HEATR5B: variants seen among roughly 807,000 people sequenced by gnomAD.
HEATR5B encodes HEAT repeat-containing protein 5B.
In HEATR5B, 156 loss-of-function variants were observed where a neutral mutation model predicts 224.1. The ratio of observed to expected loss-of-function variants is 0.70; its 90% CI spans 0.61 to 0.80. HEATR5B has a LOEUF of 0.80. Among genes scored for constraint, HEATR5B ranks in the 30% least tolerant of loss-of-function variants. HEATR5B has a pLI of 0.00. For synonymous variants in HEATR5B, 1,027 were observed against 893.0 expected (o/e 1.15, Z -2.68); for missense variants, 2,323 against 2,535.5 (o/e 0.92, Z 1.80).
chr2:37,046,339 A>G (rs1374850382), intron 18 of HEATR5B, among the ~76,000 whole-genome samples: 1 of 152,162 alleles, frequency 6.6e-6, no homozygotes, highest in Non-Finnish European at 1.5e-5. Context: ...TGGCAACCTC[A>G]TTAAAAGTCA....
Position 37,007,089 on chromosome 2 carries a change from A to C in HEATR5B, c.4738T>G (p.Leu1580Val). The C allele has an allele frequency of 6.2e-7, 1 of 1,614,158 alleles. No individual in the cohort carries two copies. Among genetic ancestry groups the C allele is most frequent in the Non-Finnish European group, 8.5e-7 (1 of 1,180,006 alleles). The change falls in exon 29 of 36, where the codon TTG becomes GTG. Residue 1580 changes from leucine to valine, a missense_variant. Transcript: ENST00000233099. ...ASGAVGSAKS[L>V]PEINKDRMHL... ...ATTCTGTCTTTGTTAATTTCTGGCA[A>C]AGATTTAGCACTACCCACTGCTCCT...
intron 28 of HEATR5B, among the ~76,000 whole-genome samples, chr2:37,007,662 C>G (rs982367830): frequency 9.9e-5 from 15 of 152,110 alleles, no homozygotes; most frequent in African/African-American, 3.6e-4. Context: ...CATGTTCGCT[C>G]ATTTATGAAC....
At chr2:37,057,545 CACA>C (rs1670990180) in intron 14 of HEATR5B, 65 bp from the exon 15 acceptor site, 2 of 1,071,222 alleles carry the variant, frequency 1.9e-6, no homozygotes, top group Non-Finnish European at 2.7e-6. Context: ...AATCATTGCC[CACA>C]AAGAGCTGCA....
intron 35 of HEATR5B, among the ~76,000 whole-genome samples, chr2:36,984,215 A>AATATATATATATATATATATATATAT (rs60636196): frequency 5.2e-5 from 4 of 77,524 alleles, no homozygotes; most frequent in South Asian, 5.9e-4. Context: ...AAAAAAAAAA[A>AATATATATATATATATATATATATAT]ATATATATAT....
In HEATR5B at chr2:37,008,875, TAGTA is replaced by T. The variant is rs758531879; in HGVS notation, c.4285-31_4285-28del. On this transcript the variant is annotated intron_variant, in intron 27 of 35. Coordinates refer to ENST00000233099, the MANE Select transcript of HEATR5B (RefSeq NM_019024.3). ...TAATATGATATTTATGAGGACAAAA[TAGTA>T]AGGCATAAGATAAAAAAATAAGATA... 1.0e-5 allele frequency: 13 copies of T among 1,283,104 alleles called. No homozygotes were observed. The Admixed American group carries it at 1.2e-4, about 11-fold the overall frequency. The allele number at this position is 1,283,104 out of a possible 1,614,324, so 79.5% of individuals were successfully genotyped here.
chr2:37,033,647 T>A (rs887746064), intron 21 of HEATR5B, among the ~76,000 whole-genome samples: 6 of 152,090 alleles, frequency 3.9e-5, no homozygotes, highest in African/African-American at 1.4e-4. Flanking sequence ...AACATAAAAG[T>A]ATAAGATGCA....
chr2:37,015,964 T>G (rs550227774), intron 26 of HEATR5B, among the ~76,000 whole-genome samples: 1 of 151,278 alleles, frequency 6.6e-6, no homozygotes, highest in Non-Finnish European at 1.5e-5. Flanking sequence ...AGAATAAGAA[T>G]AAAGAAAGAA....
Position 37,007,192 on chromosome 2 carries a change from C to T in HEATR5B, c.4635G>A (p.Thr1545=), listed in dbSNP as rs1162903397. ...VALWLNSTGF[T]CSESTEAAAI... Reference sequence around the variant, plus strand: ...CTGCTGCTTCTGTAGACTCTGAGCACGTAAATCCTGTGCTATTTAACCAAA... The same window carrying T: ...CTGCTGCTTCTGTAGACTCTGAGCATGTAAATCCTGTGCTATTTAACCAAA... Residue 1545 remains threonine (T), a synonymous_variant, in exon 29 of 36, where the codon ACG becomes ACA. Transcript: ENST00000233099. 11 of 1,613,962 alleles carry T rather than the reference C, an allele frequency of 6.8e-6. No homozygotes were observed. Among genetic ancestry groups the T allele is most frequent in the Admixed American group, 6.7e-5 (4 of 59,970 alleles).
Position 37,020,714 on chromosome 2 carries a change from C to A in HEATR5B, c.3976G>T (p.Ala1326Ser), listed in dbSNP as rs768311623. Residue 1326 changes from alanine to serine, a missense_variant, in exon 25 of 36, where the codon GCG becomes TCG. Physicochemically the swap from Ala to Ser is moderately conservative, Grantham distance 99. Around this residue, in one of 12 missense-constraint regions of HEATR5B, gnomAD observed 339 missense variants for 378.4 expected, o/e 0.90. Coordinates refer to ENST00000233099, the MANE Select transcript of HEATR5B (RefSeq NM_019024.3). ...GGAAATTCTGGCTCAGGCACAGACGCAAACTTCTTGATAATGTCTTCAAGC... is the reference window on the plus strand; with the variant it reads ...GGAAATTCTGGCTCAGGCACAGACGAAAACTTCTTGATAATGTCTTCAAGC... ...QALEDIIKKF[A>S]SVPEPEFPGH... The A allele has an allele frequency of 6.8e-6, 11 of 1,608,506 alleles. No homozygotes were observed. The highest frequency in any genetic ancestry group is 2.2e-5 in the South Asian group (2 of 89,820).
intron 10 of HEATR5B, among the ~76,000 whole-genome samples, chr2:37,063,241 C>T (rs1671390891): frequency 6.6e-6 from 1 of 152,134 alleles, no homozygotes; most frequent in Admixed American, 6.5e-5. Context: ...AACATCCACA[C>T]AGAATGGCTA....
At chr2:36,990,220 A>G (rs185274870) in intron 34 of HEATR5B, among the ~76,000 whole-genome samples, 7 of 152,118 alleles carry the variant, frequency 4.6e-5, no homozygotes, top group Non-Finnish European at 8.8e-5. Flanking sequence ...GCTTTTTAAA[A>G]TTTCTGACGT....
intron 2 of HEATR5B, among the ~76,000 whole-genome samples, chr2:37,082,133 G>T (rs1043690402): frequency 8.2e-6 from 1 of 122,346 alleles, no homozygotes; most frequent in Non-Finnish European, 1.6e-5. Context: ...GCATTAGTGC[G>T]ATCTCGGCTC....
At position 37,060,748 on chromosome 2, in the gene HEATR5B, G is replaced by C. The variant is rs1159584119; in HGVS notation, c.1697-15C>G. On this transcript the variant is annotated splice_polypyrimidine_tract_variant and intron_variant, in intron 11 of 35. Transcript: ENST00000233099. ...GACAGATGGTCCTAGCCAAGAAAAT[G>C]AGAATACAAAACCATGTATATGTAA... The C allele has an allele frequency of 6.2e-7, 1 of 1,607,694 alleles. No homozygotes were observed. The highest frequency in any genetic ancestry group is 8.5e-7 in the Non-Finnish European group (1 of 1,176,344).
At chr2:37,029,056 T>C (rs1041128962) in intron 22 of HEATR5B, 136 bp from the exon 23 acceptor site, 2 of 735,824 alleles carry the variant, frequency 2.7e-6, no homozygotes, top group Non-Finnish European at 4.4e-6. Flanking sequence ...AATTTAACTA[T>C]GGCCTCTAGT....
intron 11 of HEATR5B, among the ~76,000 whole-genome samples, chr2:37,061,393 G>A (rs1051157556): frequency 2.0e-5 from 3 of 152,122 alleles, no homozygotes; most frequent in African/African-American, 7.2e-5. Flanking sequence ...TCATAACTTT[G>A]TAGTACATAT....
At chr2:36,993,335 G>A (rs1666463439) in intron 33 of HEATR5B, among the ~76,000 whole-genome samples, 1 of 151,976 alleles carries the variant, frequency 6.6e-6, no homozygotes, top group Non-Finnish European at 1.5e-5. Flanking sequence ...TCAGGATTTC[G>A]AAGCCAGCCT....
chr2:37,005,580 G>T (rs1228734439), intron 30 of HEATR5B, 52 bp downstream of exon 30: 6 of 1,544,568 alleles, frequency 3.9e-6, no homozygotes, highest in South Asian at 1.2e-5. Context: ...CCATTGTAAA[G>T]CAATACTCAA....
chr2:37,057,215 G>A, intron 15 of HEATR5B, 102 bp downstream of exon 15: 1 of 834,356 alleles, frequency 1.2e-6, no homozygotes, highest in Non-Finnish European at 1.8e-6. Flanking sequence ...ACTAAATGGG[G>A]ATTAAACCTT....
In HEATR5B at chr2:37,079,333, T is replaced by A; in HGVS notation, c.127-2A>T. On this transcript the variant is annotated splice_acceptor_variant, in intron 2 of 35. Transcript: ENST00000233099. LOFTEE classifies it high-confidence loss of function. Reference sequence around the variant, plus strand: ...TTTCTGTTTTTCCTTTACATCGGTCTGTTACAAAAAAAATTTTTAAAAGAA... The same window carrying A: ...TTTCTGTTTTTCCTTTACATCGGTCAGTTACAAAAAAAATTTTTAAAAGAA... The A allele has an allele frequency of 6.4e-7, 1 of 1,555,948 alleles. No homozygotes were observed. The highest frequency in any genetic ancestry group is 8.7e-7 in the Non-Finnish European group (1 of 1,154,936).
Sources: gnomAD v4.1 joint callset for allele counts (sites outside exome capture counted in the v4.1 genomes callset) on GRCh38, gnomAD v4.1.1 for gene constraint, gnomAD v4.1.1 regional missense constraint, MANE v1.5 for transcripts, NCBI Gene and HGNC (gene_info 2026-07-23, HGNC 2026-07-21) for gene names.